The following DMD variants were observed in gnomAD, a reference collection of about 807,000 sequenced individuals.
DMD encodes mutant dystrophin.
DMD carries 63 observed loss-of-function variants against 330.1 expected under a neutral mutation model. The ratio of observed to expected loss-of-function variants is 0.19; its 90% confidence interval spans 0.16 to 0.24. DMD has a LOEUF of 0.24. Ranked by LOEUF, DMD falls within the 10% of genes least tolerant of loss-of-function variation. The pLI is 1.00. For synonymous variants in DMD, 1,223 were observed against 959.8 expected (o/e 1.27, Z -5.07); for missense variants, 3,344 against 2,684.1 (o/e 1.25, Z -5.43).
rs776949117 is a variant in DMD, at chrX:31,178,003, C to T, written c.10224-33G>A. The T allele has an allele frequency of 6.8e-6, 8 of 1,176,176 alleles. No individual in the cohort carries two copies. The South Asian group carries it at 7.3e-5, about 11-fold the overall frequency. On this transcript the variant is annotated intron_variant, in intron 70 of 78. Transcript: ENST00000357033. ...ACAAAAAATGAGGTGGTGAAGGAGA[C>T]ACACGCAAACTCAGCCGCAAAAAAA...
intron 52 of DMD, among the ~76,000 whole-genome samples, chrX:31,698,682 T>C (rs1017348460): frequency 1.8e-5 from 2 of 112,279 alleles, no homozygotes; most frequent in African/African-American, 6.5e-5. Flanking sequence ...ATGCTAACCA[T>C]GTAGCTAGTA....
chrX:31,438,261 T>C (rs754833503), intron 60 of DMD, among the ~76,000 whole-genome samples: 5 of 111,497 alleles, frequency 4.5e-5, no homozygotes, highest in South Asian at 3.8e-4. Context: ...ACAGAAGTCA[T>C]ATATATATTT....
chrX:31,441,236 G>A (rs921736013), intron 60 of DMD, among the ~76,000 whole-genome samples: 27 of 111,157 alleles, frequency 2.4e-4, no homozygotes, highest in African/African-American at 7.9e-4. Flanking sequence ...TGGCTCTGTC[G>A]CCCAGGCTGG....
intron 60 of DMD, among the ~76,000 whole-genome samples, chrX:31,405,353 T>C (rs949081444): frequency 3.6e-5 from 4 of 112,257 alleles, no homozygotes; most frequent in African/African-American, 9.7e-5. Flanking sequence ...ACTGGCTGAA[T>C]ATCAGTGCCT....
intron 11 of DMD, among the ~76,000 whole-genome samples, chrX:32,641,766 T>C (rs2059478902): frequency 9.0e-6 from 1 of 110,978 alleles, no homozygotes; most frequent in Non-Finnish European, 1.9e-5. Context: ...AGGCAGGAAA[T>C]AATGGCTTCC....
chrX:32,526,331 G>A (rs1165577302), intron 17 of DMD, among the ~76,000 whole-genome samples: 14 of 111,556 alleles, frequency 1.3e-4, no homozygotes, highest in Non-Finnish European at 7.5e-5. Context: ...GCAGTGAAGC[G>A]ACAATTTTTT....
chrX:32,115,748 C>T (rs930703243), intron 44 of DMD, among the ~76,000 whole-genome samples: 2 of 111,689 alleles, frequency 1.8e-5, no homozygotes, highest in Non-Finnish European at 3.8e-5. Context: ...CAATTATTCT[C>T]ATACTTTACA....
At chrX:32,681,718 T>A (rs1186577995) in intron 9 of DMD, among the ~76,000 whole-genome samples, 2 of 112,236 alleles carry the variant, frequency 1.8e-5, no homozygotes, top group Non-Finnish European at 3.8e-5. Context: ...GTATATATTC[T>A]AGTCCTTTTC....
At chrX:32,986,263 TAAATC>T (rs962554923) in intron 2 of DMD, among the ~76,000 whole-genome samples, 1 of 112,295 alleles carries the variant, frequency 8.9e-6, no homozygotes, top group Non-Finnish European at 1.9e-5. Context: ...CTAAGTTAGA[TAAATC>T]AAAACCATTG....
Position 32,435,682 on chromosome X carries a change from G to A in DMD, c.4071+2559C>T, listed in dbSNP as rs1017346882. On this transcript the variant is annotated intron_variant, in intron 29 of 78. Coordinates refer to ENST00000357033, the MANE Select transcript of DMD (RefSeq NM_004006.3). ...AGGATGCTGGAGTGACAATGGGGGA[G>A]GTAGAGGTTTGTCTGTCCCAGTGTG... Among the ~76,000 whole-genome samples the A allele has an allele frequency of 6.3e-5, 7 of 110,948 alleles. No homozygotes were observed. The South Asian group carries it at 2.7e-3, about 43-fold the overall frequency.
intron 22 of DMD, among the ~76,000 whole-genome samples, 183 bp from the exon 23 acceptor site, chrX:32,468,893 G>A (rs1241621067): frequency 1.8e-5 from 2 of 110,823 alleles, no homozygotes; most frequent in Non-Finnish European, 3.8e-5. Flanking sequence ...AGAGTAACTT[G>A]AATATTATTT....
chrX:33,279,965 T>TAGATATCAAGTTCTTGATATCG (rs2053300632), intron 1 of DMD, among the ~76,000 whole-genome samples: 1 of 110,106 alleles, frequency 9.1e-6, no homozygotes, highest in African/African-American at 3.3e-5. Context: ...TCTTGATATC[T>TAGATATCAAGTTCTTGATATCG]AGATATATGG....
chrX:32,938,877 T>C (rs1212964795), intron 2 of DMD, among the ~76,000 whole-genome samples: 2 of 110,770 alleles, frequency 1.8e-5, no homozygotes, highest in Non-Finnish European at 1.9e-5. Flanking sequence ...ATTGGTTAAG[T>C]AATTAACCAC....
rs976593368 is a variant in DMD at position 32,857,827 on chromosome X, C to G, written c.94-8007G>C. The stretch of plus-strand genomic sequence containing the variant: ...TTTGGGTTTGGAGACAAAGTCTAGG[C>G]AAAGGTCAAAAACGCAGACAGAATC... On this transcript the variant is annotated intron_variant, in intron 2 of 78. Coordinates refer to ENST00000357033, the MANE Select transcript of DMD (RefSeq NM_004006.3). 4.5e-5 allele frequency among the ~76,000 whole-genome samples: 5 copies of G among 111,264 alleles called. No homozygotes were observed. In the East Asian group the frequency reaches 1.4e-3, roughly 32 times the overall value.
chrX:32,505,731 G>C (rs777088037), intron 18 of DMD, among the ~76,000 whole-genome samples: 7 of 111,942 alleles, frequency 6.3e-5, no homozygotes, highest in Non-Finnish European at 1.1e-4. Flanking sequence ...GTTTGTATTT[G>C]CCAAGACTTG....
chrX:31,970,470 A>AT (rs58275275), intron 44 of DMD, among the ~76,000 whole-genome samples: 11,445 of 110,612 alleles, frequency 0.1, 998 homozygotes, highest in African/African-American at 0.29. Context: ...ATACAGTAGG[A>AT]TAAAAAAAAA....
intron 44 of DMD, among the ~76,000 whole-genome samples, chrX:32,142,738 T>G (rs778033347): frequency 2.7e-5 from 3 of 112,295 alleles, no homozygotes; most frequent in Non-Finnish European, 5.6e-5. Context: ...ATGGATACAT[T>G]AAAGTAAAAG....
chrX:32,167,378 CTG>C (rs1471685941), intron 44 of DMD, among the ~76,000 whole-genome samples: 2 of 111,864 alleles, frequency 1.8e-5, no homozygotes, highest in Non-Finnish European at 3.8e-5. Flanking sequence ...TGAAATCAAA[CTG>C]TCACTCTGAT....
chrX:32,751,723 C>G (rs963642891), intron 7 of DMD, among the ~76,000 whole-genome samples: 35 of 112,207 alleles, frequency 3.1e-4, no homozygotes, highest in African/African-American at 1.1e-3. Flanking sequence ...TTTGTGGCAG[C>G]CCCTCCCATC....
Sources: gnomAD v4.1 joint callset for allele counts (sites outside exome capture counted in the v4.1 genomes callset) on GRCh38, gnomAD v4.1.1 for gene constraint, MANE v1.5 for transcripts, NCBI Gene and HGNC (gene_info 2026-07-23, HGNC 2026-07-21) for gene names.